RANBP17: variants seen among roughly 807,000 people sequenced by gnomAD.
RANBP17 encodes the protein RAN binding protein 17, also known as ran-binding protein 17.
RANBP17 carries 158 observed loss-of-function variants against 141.2 expected under a neutral mutation model. The ratio of observed to expected loss-of-function variants is 1.12; its 90% confidence interval spans 0.98 to 1.28. The LOEUF is 1.28. Ranked by LOEUF, RANBP17 falls within the 50% of genes most tolerant of loss-of-function variation. RANBP17 has a pLI of 0.00. For synonymous variants in RANBP17, 430 were observed against 450.0 expected, an observed-to-expected ratio of 0.96 and a Z score of 0.56; for missense variants, 1,438 against 1,290.7, an observed-to-expected ratio of 1.11 and a Z score of -1.75.
chr5:170,947,197 A>G (rs1311926617), intron 12 of RANBP17, among the ~76,000 whole-genome samples: 3 of 152,172 alleles, frequency 2.0e-5, no homozygotes, highest in African/African-American at 7.2e-5. Context: ...TAATGGGTCT[A>G]CATTTTAATA....
intron 14 of RANBP17, among the ~76,000 whole-genome samples, chr5:171,084,139 G>C (rs1176568797): frequency 3.8e-5 from 5 of 130,452 alleles, no homozygotes; most frequent in African/African-American, 1.5e-4. Context: ...AGTCCCCAGA[G>C]TGTGATATTC....
At chr5:171,073,154 C>A (rs1784725652) in intron 14 of RANBP17, among the ~76,000 whole-genome samples, 1 of 151,970 alleles carries the variant, frequency 6.6e-6, no homozygotes, top group African/African-American at 2.4e-5. Flanking sequence ...AATGAACTTT[C>A]CTGGTGTAAA....
rs765787651 is a variant in RANBP17, at chr5:171,241,077, C to A, written c.2572C>A (p.His858Asn). Residue 858 changes from histidine to asparagine, a missense_variant, in exon 23 of 28, where the codon CAT becomes AAT. Transcript: ENST00000523189. ...FGVFKLYGDN[H>N]FDNVLQAFVK... ...CGTCTTCAAGTTGTATGGGGACAAC[C>A]ATTTTGACAATGTACTCCAGGCTTT... The A allele has an allele frequency of 1.2e-6, 2 of 1,613,726 alleles. No individual in the cohort carries two copies. Among genetic ancestry groups the A allele is most frequent in the East Asian group, 4.5e-5 (2 of 44,862 alleles).
chr5:170,924,761 G>GATATACTT, intron 12 of RANBP17: 1 of 390,856 alleles, frequency 2.6e-6, no homozygotes. Context: ...AGATTGATAG[G>GATATACTT]ATATACTTCT....
chr5:171,249,689 A>G (rs1291790410), intron 24 of RANBP17, among the ~76,000 whole-genome samples: 1 of 152,204 alleles, frequency 6.6e-6, no homozygotes, highest in African/African-American at 2.4e-5. Flanking sequence ...ACTTGAAGAC[A>G]GGACTTTTTC....
intron 21 of RANBP17, among the ~76,000 whole-genome samples, chr5:171,216,313 T>G (rs941562555): frequency 5.3e-5 from 8 of 152,184 alleles, no homozygotes; most frequent in African/African-American, 1.9e-4. Context: ...AGCCTTGTAG[T>G]ATAGTATGAA....
intron 14 of RANBP17, among the ~76,000 whole-genome samples, chr5:171,044,175 A>G (rs1046507596): frequency 2.0e-5 from 3 of 152,026 alleles, no homozygotes; most frequent in Non-Finnish European, 4.4e-5. Flanking sequence ...CCTGGTGCCT[A>G]TGAGTATTAA....
chr5:171,251,037 A>T (rs1459702495), intron 24 of RANBP17, among the ~76,000 whole-genome samples: 1 of 152,230 alleles, frequency 6.6e-6, no homozygotes, highest in Non-Finnish European at 1.5e-5. Flanking sequence ...TTTTCATCGG[A>T]ACATGGAACA....
chr5:171,235,881 A>G (rs918409168), intron 22 of RANBP17, among the ~76,000 whole-genome samples: 10 of 152,332 alleles, frequency 6.6e-5, no homozygotes, highest in African/African-American at 2.4e-4. Context: ...GATGCAAGCC[A>G]TTTCACCCAG....
chr5:171,091,429 C>G (rs1033882142), intron 14 of RANBP17, among the ~76,000 whole-genome samples: 1 of 152,202 alleles, frequency 6.6e-6, no homozygotes, highest in African/African-American at 2.4e-5. Context: ...ATTTTACAGG[C>G]TCATAGGCAG....
chr5:170,899,472 A>G (rs1407085618), intron 5 of RANBP17, among the ~76,000 whole-genome samples: 2 of 152,224 alleles, frequency 1.3e-5, no homozygotes, highest in Non-Finnish European at 2.9e-5. Flanking sequence ...AAACAGAGAC[A>G]GTTTGACTTC....
chr5:170,919,696 C>G, intron 11 of RANBP17, 83 bp downstream of exon 11: 1 of 1,046,436 alleles, frequency 9.6e-7, no homozygotes, highest in Non-Finnish European at 1.4e-6. Flanking sequence ...TTAAAATTCA[C>G]CCCTTTTAGC....
At chr5:171,213,943 A>G (rs1041393509) in intron 21 of RANBP17, among the ~76,000 whole-genome samples, 10 of 152,186 alleles carry the variant, frequency 6.6e-5, no homozygotes, top group Admixed American at 2.0e-4. Flanking sequence ...TTGGCTGTCT[A>G]TGGGGACTAG....
chr5:170,904,178 G>T, intron 5 of RANBP17: 2 of 319,148 alleles, frequency 6.3e-6, no homozygotes, highest in South Asian at 7.6e-5. Context: ...AAGAAGGCTA[G>T]ACCAGCCTGT....
intron 14 of RANBP17, among the ~76,000 whole-genome samples, chr5:171,030,307 C>T (rs1738320009): frequency 1.3e-5 from 2 of 152,028 alleles, no homozygotes; most frequent in Admixed American, 6.6e-5. Flanking sequence ...TTATTTGGAA[C>T]CATGTTACTG....
At chr5:171,033,424 A>G (rs1224116175) in intron 14 of RANBP17, among the ~76,000 whole-genome samples, 1 of 152,174 alleles carries the variant, frequency 6.6e-6, no homozygotes, top group African/African-American at 2.4e-5. Context: ...CATATTAAAG[A>G]AGAAAATCCT....
At chr5:171,096,480 A>G (rs1786702652) in intron 14 of RANBP17, among the ~76,000 whole-genome samples, 1 of 152,204 alleles carries the variant, frequency 6.6e-6, no homozygotes, top group African/African-American at 2.4e-5. Context: ...TTCATTTGCT[A>G]CATAGGCAGT....
intron 20 of RANBP17, chr5:171,206,972 T>C: frequency 5.6e-6 from 1 of 178,390 alleles, no homozygotes; most frequent in Non-Finnish European, 1.2e-5. Flanking sequence ...ACTGGAATTA[T>C]ATATGACCCT....
intron 2 of RANBP17, 105 bp from the exon 3 acceptor site, chr5:170,881,701 T>C: frequency 1.3e-6 from 1 of 764,280 alleles, no homozygotes. Flanking sequence ...TTTGCCAGTT[T>C]GGAAAACCGG....
Sources: gnomAD v4.1 joint callset for allele counts (sites outside exome capture counted in the v4.1 genomes callset) on GRCh38, gnomAD v4.1.1 for gene constraint, MANE v1.5 for transcripts, NCBI Gene and HGNC (gene_info 2026-07-23, HGNC 2026-07-21) for gene names.